TSNAXIP1: variants seen among roughly 807,000 people sequenced by gnomAD.
The protein encoded by TSNAXIP1 is translin associated factor X interacting protein 1.
TSNAXIP1 carries 89 observed loss-of-function variants against 84.8 expected under a neutral mutation model. The observed-to-expected ratio is 1.05, with a 90% CI of 0.88 to 1.25. The LOEUF is 1.25. Among genes scored for constraint, TSNAXIP1 ranks in the 50% most tolerant of loss-of-function variants. The pLI is 0.00. For synonymous variants in TSNAXIP1, 347 were observed against 335.2 expected, an observed-to-expected ratio of 1.04 and a Z score of -0.39; for missense variants, 874 against 887.6, an observed-to-expected ratio of 0.98 and a Z score of 0.20.
chr16:67,827,286 G>A lies in TSNAXIP1; in HGVS notation c.1702G>A (p.Glu568Lys), dbSNP rs373887667. ...GAGTACCTTCCCTCTCAAGACAGAA[G>A]AGCAAATCCAGGAGCTGATGGAGGC... The part of the protein sequence containing the change: ...LKSTFPLKTE[E>K]QIQELMEAGG... Residue 568 changes from glutamate to lysine, a missense_variant, in exon 14 of 16, where the codon GAG (glutamate) becomes AAG (lysine). Glu to Lys is a moderately conservative substitution (Grantham distance 56). Coordinates refer to ENST00000561639, the MANE Select transcript of TSNAXIP1 (RefSeq NM_001288990.3). The A allele has an allele frequency of 2.5e-6, 4 of 1,614,114 alleles. No individual in the cohort carries two copies. Among genetic ancestry groups the A allele is most frequent in the African/African-American group, 2.7e-5 (2 of 74,938 alleles).
chr16:67,822,625 G>A (rs943622883), intron 4 of TSNAXIP1, among the ~76,000 whole-genome samples: 1 of 152,178 alleles, frequency 6.6e-6, no homozygotes, highest in African/African-American at 2.4e-5. Context: ...GTATAGTAGG[G>A]AGAGAATCAC....
chr16:67,812,704 G>A (rs1317825060), intron 1 of TSNAXIP1, among the ~76,000 whole-genome samples: 8 of 148,236 alleles, frequency 5.4e-5, no homozygotes, highest in South Asian at 2.2e-4. Flanking sequence ...AGTGGCTCAC[G>A]CCTGTAATCC....
intron 2 of TSNAXIP1, among the ~76,000 whole-genome samples, chr16:67,820,130 G>T (rs1372216670): frequency 3.3e-5 from 5 of 149,716 alleles, no homozygotes; most frequent in Admixed American, 2.0e-4. Flanking sequence ...ATTTTTTTTT[G>T]TATTTTTAGT....
rs1414611977 is a variant in TSNAXIP1 at position 67,825,670 on chromosome 16, T to C, written c.818T>C (p.Ile273Thr). ...GGTGGGCCCCTTCCCCTGGCAGGCA[T>C]CTGGGGGGAGGACCCTGTGAAGTTA... is the stretch of plus-strand genomic sequence containing the variant. ...EDMSLAQSPG[I>T]WGEDPVKLTL... is the part of the protein sequence containing the mutation. Residue 273 changes from isoleucine (I) to threonine (T), a missense_variant, in exon 8 of 16, where the codon ATC (isoleucine) becomes ACC (threonine). By Grantham distance (89) the Ile-to-Thr change is moderately conservative (BLOSUM62 -1). Transcript: ENST00000561639. 1.2e-6 allele frequency: 2 copies of C among 1,609,566 alleles called. No individual in the cohort carries two copies. Among genetic ancestry groups the C allele is most frequent in the African/African-American group, 2.7e-5 (2 of 74,732 alleles).
Position 67,826,514 on chromosome 16 carries a change from G to T in TSNAXIP1, c.1353G>T (p.Val451=). ...VENKKPSKKD[V]VNLLKDAWKE... ...ACAAGAAGCCAAGCAAGAAGGACGT[G>T]GTCAACCTCCTCAAGGATGCCTGGA... The change falls in exon 11 of 16, where the codon GTG becomes GTT. Residue 451 remains valine, a synonymous_variant. Transcript: ENST00000561639. 1 of 1,614,122 alleles carries T rather than the reference G, an allele frequency of 6.2e-7. No individual in the cohort carries two copies.
intron 2 of TSNAXIP1, among the ~76,000 whole-genome samples, chr16:67,816,929 C>G (rs2056607783): frequency 6.6e-6 from 1 of 151,432 alleles, no homozygotes; most frequent in South Asian, 2.1e-4. Context: ...AAACAGTAGA[C>G]AGAACACGAG....
intron 4 of TSNAXIP1, among the ~76,000 whole-genome samples, chr16:67,822,278 CAAA>C (rs931299742): frequency 9.6e-5 from 5 of 51,920 alleles, no homozygotes; most frequent in Admixed American, 2.3e-4. Context: ...GACTCCATCT[CAAA>C]AAAAAAAAAA....
chr16:67,827,213 A>G (rs201800894), intron 13 of TSNAXIP1, 36 bp from the exon 14 acceptor site: 2 of 1,613,254 alleles, frequency 1.2e-6, no homozygotes, highest in African/African-American at 2.7e-5. Context: ...AGCAGGCCTC[A>G]GCAGGTCCCT....
Position 67,806,958 on chromosome 16 carries a change from G to A in TSNAXIP1, c.-192G>A. 2.3e-6 allele frequency: 2 copies of A among 870,634 alleles called. No individual in the cohort carries two copies. The highest frequency in any genetic ancestry group is 3.4e-6 in the Non-Finnish European group (2 of 585,116). 53.9% of individuals were successfully genotyped at this position (870,634 alleles called of 1,614,324 possible). A position where few individuals can be genotyped will look rare whatever the true frequency, so the allele number is the denominator to read the frequency against. ...GTGGTTGACTCTCAGGGCACCCGCTGCCGGGTCCCAGTCCACCTTTGCTAC... is the reference window on the plus strand; with the variant it reads ...GTGGTTGACTCTCAGGGCACCCGCTACCGGGTCCCAGTCCACCTTTGCTAC... On this transcript the variant is annotated 5_prime_UTR_variant, in exon 1 of 16. Coordinates refer to ENST00000561639, the MANE Select transcript of TSNAXIP1 (RefSeq NM_001288990.3).
chr16:67,807,483 G>A (rs1242459572), intron 1 of TSNAXIP1: 7 of 1,128,312 alleles, frequency 6.2e-6, no homozygotes, highest in Non-Finnish European at 5.8e-6. Context: ...TTTTATTTTT[G>A]AGACAAGATC....
rs771222905 is a variant in TSNAXIP1, at chr16:67,826,425, C to A, written c.1276-12C>A. On this transcript the variant is annotated splice_polypyrimidine_tract_variant and intron_variant, in intron 10 of 15. Transcript: ENST00000561639. ...GATGGGTCCAGAGATGAGCTGATAT[C>A]CTCCCTCCTAGGGCTATGGGGAAGC... 1.5e-5 allele frequency: 25 copies of A among 1,613,024 alleles called. No homozygotes were observed. The highest frequency in any genetic ancestry group is 1.9e-5 in the Non-Finnish European group (22 of 1,179,970).
chr16:67,820,943 G>A lies in TSNAXIP1; in HGVS notation c.252G>A (p.Lys84=). The change falls in exon 3 of 16, where the codon AAG becomes AAA. Residue 84 remains lysine (K), a synonymous_variant. Transcript: ENST00000561639. ...AACCCTGTTCAGATGACTACCGGAAGCGAGTAGGGTAAGCCAGGGTCAGTC... is the reference window on the plus strand; with the variant it reads ...AACCCTGTTCAGATGACTACCGGAAACGAGTAGGGTAAGCCAGGGTCAGTC... ...NRKPCSDDYR[K]RVGSCQQHPF... is the part of the protein sequence containing the mutation. 1 of 1,599,822 alleles carries A rather than the reference G, an allele frequency of 6.3e-7. No individual in the cohort carries two copies. Among genetic ancestry groups the A allele is most frequent in the Non-Finnish European group, 8.5e-7 (1 of 1,173,228 alleles).
Position 67,807,085 on chromosome 16 carries a change from G to T in TSNAXIP1, c.-65G>T. ...GCCTCTGGGGCCTGGTCGCCATGGC[G>T]ACCGGCTGTACGCTACCACAGCTTC... On this transcript the variant is annotated 5_prime_UTR_variant, in exon 1 of 16. Transcript: ENST00000561639. 2.0e-6 allele frequency: 3 copies of T among 1,518,870 alleles called. No homozygotes were observed. The South Asian group carries it at 3.6e-5, about 18-fold the overall frequency. The allele number at this position is 1,518,870 out of a possible 1,614,324, so 94.1% of individuals were successfully genotyped here.
intron 1 of TSNAXIP1, 111 bp from the exon 2 acceptor site, chr16:67,814,191 C>T (rs1467548708): frequency 2.3e-6 from 2 of 854,538 alleles, no homozygotes; most frequent in East Asian, 5.4e-5. Flanking sequence ...GAGGCAGCAC[C>T]CAGAGCCTGG....
intron 2 of TSNAXIP1, among the ~76,000 whole-genome samples, chr16:67,816,008 G>A (rs1321894044): frequency 6.3e-5 from 8 of 127,528 alleles, no homozygotes; most frequent in African/African-American, 1.9e-4. Context: ...TCTCGCTGTC[G>A]CCCAGGCTGG....
rs534387812 is a variant in TSNAXIP1 at position 67,824,678 on chromosome 16, G to A, written c.577G>A (p.Ala193Thr). Residue 193 changes from alanine to threonine, a missense_variant, in exon 6 of 16, where the codon GCT becomes ACT. Physicochemically the swap from Ala to Thr is moderately conservative, Grantham distance 58. Transcript: ENST00000561639. The part of the protein sequence containing the change: ...DCNERILAMR[A>T]EEKYEISLLK... ...CAATGAGAGGATCCTGGCCATGAGA[G>A]CTGAGGAGAAATATGAAATCTCCCT... is the stretch of plus-strand genomic sequence containing the variant. 7.4e-6 allele frequency: 12 copies of A among 1,614,174 alleles called. No individual in the cohort carries two copies. In the Admixed American group the frequency reaches 2.0e-4, roughly 27 times the overall value.
chr16:67,815,648 G>A (rs1211976712), intron 2 of TSNAXIP1, among the ~76,000 whole-genome samples: 7 of 151,426 alleles, frequency 4.6e-5, no homozygotes, highest in East Asian at 2.0e-4. Flanking sequence ...ACAGGAGTGC[G>A]CCACCACACC....
chr16:67,819,389 G>A (rs186229957), intron 2 of TSNAXIP1, among the ~76,000 whole-genome samples: 6 of 148,912 alleles, frequency 4.0e-5, no homozygotes, highest in African/African-American at 9.9e-5. Flanking sequence ...GAATACAGGC[G>A]TGTGCCACCA....
At position 67,824,692 on chromosome 16, in the gene TSNAXIP1, T is replaced by A. The variant is rs749451147; in HGVS notation, c.591T>A (p.Tyr197Ter). ...TGGCCATGAGAGCTGAGGAGAAATA[T>A]GAAATCTCCCTGCTCAAGAAAGAGA... ...RILAMRAEEK[Y>*]EISLLKKEKM... The change falls in exon 6 of 16, where the codon TAT becomes TAA. Residue 197 changes from tyrosine (Y) to a stop codon, truncating the protein, a stop_gained. Coordinates refer to ENST00000561639, the MANE Select transcript of TSNAXIP1 (RefSeq NM_001288990.3). LOFTEE classifies it high-confidence loss of function. The A allele has an allele frequency of 1.4e-5, 23 of 1,614,046 alleles. No individual in the cohort carries two copies. In the East Asian group the frequency reaches 4.7e-4, roughly 33 times the overall value.
Sources: gnomAD v4.1 joint callset for allele counts (sites outside exome capture counted in the v4.1 genomes callset) on GRCh38, gnomAD v4.1.1 for gene constraint, MANE v1.5 for transcripts, NCBI Gene and HGNC (gene_info 2026-07-23, HGNC 2026-07-21) for gene names.